LRMDA: variants seen among roughly 807,000 people sequenced by gnomAD.
The protein encoded by LRMDA is leucine-rich melanocyte differentiation-associated protein.
Under a neutral mutation model 29.8 loss-of-function variants are expected in LRMDA, and 18 were observed. The observed-to-expected ratio is 0.60, with a 90% CI of 0.42 to 0.90. The LOEUF is 0.90. LRMDA is among the 40% of genes least tolerant of loss of function. The probability of loss-of-function intolerance (pLI) is 0.00; values close to 1 mark genes in which losing one functional copy is unlikely to be tolerated. For synonymous variants in LRMDA, 125 were observed against 109.4 expected, an observed-to-expected ratio of 1.14 and a Z score of -0.89; for missense variants, 273 against 273.9, an observed-to-expected ratio of 1.00 and a Z score of 0.02.
intron 2 of LRMDA, among the ~76,000 whole-genome samples, chr10:75,529,345 C>A (rs1303373078): frequency 6.6e-6 from 1 of 152,106 alleles, no homozygotes; most frequent in Non-Finnish European, 1.5e-5. Context: ...GTTCCTTAAC[C>A]AAAAGTCTGT....
At chr10:75,914,716 T>C (rs1221367134) in intron 2 of LRMDA, among the ~76,000 whole-genome samples, 5 of 152,240 alleles carry the variant, frequency 3.3e-5, no homozygotes, top group African/African-American at 4.8e-5. Context: ...ATGATCTTTC[T>C]TGTAAACTGG....
intron 5 of LRMDA, among the ~76,000 whole-genome samples, chr10:76,321,943 T>TCAACAACAA (rs141935358): frequency 6.6e-6 from 1 of 151,924 alleles, no homozygotes; most frequent in Non-Finnish European, 1.5e-5. Context: ...AGATTCTGTC[T>TCAACAACAA]CAACAACAAC....
intron 6 of LRMDA, among the ~76,000 whole-genome samples, chr10:76,352,013 A>G (rs572400560): frequency 6.6e-6 from 1 of 152,270 alleles, no homozygotes; most frequent in Admixed American, 6.5e-5. Context: ...GTGACTCTGG[A>G]GAAGGTACTT....
chr10:75,805,932 G>A (rs1047966220), intron 2 of LRMDA, among the ~76,000 whole-genome samples: 4 of 152,078 alleles, frequency 2.6e-5, no homozygotes, highest in African/African-American at 9.7e-5. Flanking sequence ...CCTGAGACTG[G>A]GTAACATAAG....
chr10:76,093,004 C>T (rs368845763), intron 5 of LRMDA, among the ~76,000 whole-genome samples: 4 of 151,992 alleles, frequency 2.6e-5, no homozygotes, highest in East Asian at 1.9e-4. Context: ...TTACTGAGAC[C>T]GTTAGGGCAC....
chr10:76,188,935 TACACAC>T lies in LRMDA; in HGVS notation c.516+130182_516+130187del, dbSNP rs3998129. Among the ~76,000 whole-genome samples the T allele has an allele frequency of 1.4e-3, 197 of 141,724 alleles. 1 individual carries two copies. The highest frequency in any genetic ancestry group is 0.011 in the Middle Eastern group (3 of 282). The allele number at this position is 141,724 out of a possible 152,430, so 93.0% of individuals were successfully genotyped here. A position where few individuals can be genotyped will look rare whatever the true frequency, so the allele number is the denominator to read the frequency against. ...ATGCCTCTAGGCGAATGATTGCATG[TACACAC>T]ACACACACACACACACACACACACA... On this transcript the variant is annotated intron_variant, in intron 5 of 6. Coordinates refer to ENST00000611255, the MANE Select transcript of LRMDA (RefSeq NM_001305581.2).
intron 5 of LRMDA, among the ~76,000 whole-genome samples, chr10:76,321,019 T>A (rs1463707698): frequency 2.0e-5 from 3 of 152,156 alleles, no homozygotes; most frequent in African/African-American, 7.2e-5. Context: ...GAAATCAGGT[T>A]TTTTTCTCTT....
chr10:76,161,221 AT>A (rs753189942), intron 5 of LRMDA, among the ~76,000 whole-genome samples: 51 of 152,154 alleles, frequency 3.4e-4, no homozygotes, highest in Non-Finnish European at 5.9e-4. Context: ...CTTTAAGTGA[AT>A]GAGCAATAAC....
At chr10:76,290,624 G>A (rs563546258) in intron 5 of LRMDA, among the ~76,000 whole-genome samples, 151 of 152,048 alleles carry the variant, frequency 9.9e-4, no homozygotes, top group Non-Finnish European at 1.8e-3. Context: ...ATTTCACCAT[G>A]TTGGCCAGGC....
intron 6 of LRMDA, among the ~76,000 whole-genome samples, chr10:76,479,758 C>T (rs1404831203): frequency 1.3e-5 from 2 of 151,852 alleles, no homozygotes; most frequent in Non-Finnish European, 2.9e-5. Context: ...TATGACGGGT[C>T]GAAGGCGACT....
At chr10:76,340,515 CAAAAA>C (rs1174024731) in intron 6 of LRMDA, among the ~76,000 whole-genome samples, 12,007 of 75,622 alleles carry the variant, frequency 0.16, 579 homozygotes, top group East Asian at 0.4. Context: ...GAACCTGTAT[CAAAAA>C]AAAAAAAAAA....
At chr10:76,057,319 G>A (rs954684272) in intron 4 of LRMDA, among the ~76,000 whole-genome samples, 31 of 152,188 alleles carry the variant, frequency 2.0e-4, no homozygotes, top group African/African-American at 7.2e-4. Flanking sequence ...CAGGAAGCAT[G>A]TTGTAATCAC....
At chr10:76,239,642 G>A (rs1852232715) in intron 5 of LRMDA, among the ~76,000 whole-genome samples, 1 of 151,710 alleles carries the variant, frequency 6.6e-6, no homozygotes, top group African/African-American at 2.4e-5. Flanking sequence ...AATTGAATGA[G>A]TTATCCTGGG....
intron 5 of LRMDA, among the ~76,000 whole-genome samples, chr10:76,116,907 C>T (rs139402132): frequency 6.6e-6 from 1 of 152,264 alleles, no homozygotes; most frequent in East Asian, 1.9e-4. Context: ...GAACTTTCAT[C>T]TCAGCCATTT....
intron 2 of LRMDA, among the ~76,000 whole-genome samples, chr10:75,733,112 G>C (rs1003885701): frequency 6.6e-6 from 1 of 152,170 alleles, no homozygotes; most frequent in Non-Finnish European, 1.5e-5. Context: ...AATGTCTCAG[G>C]GGTGGATGAA....
chr10:76,298,300 A>G (rs1324327628), intron 5 of LRMDA, among the ~76,000 whole-genome samples: 1 of 152,202 alleles, frequency 6.6e-6, no homozygotes, highest in Non-Finnish European at 1.5e-5. Context: ...TACCAGCTGC[A>G]TATTGGAGAA....
At chr10:76,225,510 G>A (rs1481133784) in intron 5 of LRMDA, among the ~76,000 whole-genome samples, 1 of 151,858 alleles carries the variant, frequency 6.6e-6, no homozygotes, top group East Asian at 1.9e-4. Context: ...CTTCATAAAT[G>A]GATTGGTAAT....
intron 2 of LRMDA, among the ~76,000 whole-genome samples, chr10:75,726,267 G>T (rs534031342): frequency 6.6e-6 from 1 of 152,338 alleles, no homozygotes; most frequent in East Asian, 1.9e-4. Context: ...GGGGTTGGTG[G>T]TGAGTGGGGG....
chr10:76,070,953 G>A (rs555666879), intron 5 of LRMDA, among the ~76,000 whole-genome samples: 1 of 152,284 alleles, frequency 6.6e-6, no homozygotes, highest in East Asian at 1.9e-4. Flanking sequence ...TGCCACTGAT[G>A]GAGCCAGGAG....
Sources: gnomAD v4.1 joint callset for allele counts (sites outside exome capture counted in the v4.1 genomes callset) on GRCh38, gnomAD v4.1.1 for gene constraint, MANE v1.5 for transcripts, NCBI Gene and HGNC (gene_info 2026-07-23, HGNC 2026-07-21) for gene names.